MYO1D: variants seen among roughly 807,000 people sequenced by gnomAD.
MYO1D encodes the protein myosin ID.
Under a neutral mutation model 122.0 loss-of-function variants are expected in MYO1D, and 83 were observed. That is an observed-to-expected ratio of 0.68 (90% CI 0.57 to 0.82). The LOEUF (loss-of-function observed/expected upper bound fraction) is 0.82. Among genes scored for constraint, MYO1D ranks in the 40% least tolerant of loss-of-function variants. The probability of loss-of-function intolerance (pLI) is 0.00; values close to 1 mark genes in which losing one functional copy is unlikely to be tolerated. For synonymous variants in MYO1D, 464 were observed against 446.9 expected (o/e 1.04, Z -0.48); for missense variants, 1,157 against 1,269.5 (o/e 0.91, Z 1.35).
At chr17:32,544,462 G>T (rs1054304658) in intron 21 of MYO1D, among the ~76,000 whole-genome samples, 1 of 152,062 alleles carries the variant, frequency 6.6e-6, no homozygotes, top group Non-Finnish European at 1.5e-5. Context: ...TGTCCAAATT[G>T]TACACATGAT....
intron 1 of MYO1D, among the ~76,000 whole-genome samples, chr17:32,841,853 G>T (rs1485205982): frequency 1.3e-5 from 2 of 152,048 alleles, no homozygotes; most frequent in Non-Finnish European, 2.9e-5. Flanking sequence ...AGGTCTGCAG[G>T]GTATTTCTCT....
chr17:32,498,218 C>G (rs894470531), intron 21 of MYO1D: 3 of 152,276 alleles, frequency 2.0e-5, no homozygotes, highest in African/African-American at 7.2e-5. Flanking sequence ...ATTCCCACTT[C>G]CCCAGAACAT....
intron 1 of MYO1D, among the ~76,000 whole-genome samples, chr17:32,849,379 A>C (rs112389511): frequency 6.9e-6 from 1 of 144,156 alleles, no homozygotes; most frequent in African/African-American, 2.9e-5. Flanking sequence ...TGTTTATTGC[A>C]GCATTATTCA....
At chr17:32,758,819 G>A (rs2089972990) in intron 10 of MYO1D, among the ~76,000 whole-genome samples, 2 of 152,102 alleles carry the variant, frequency 1.3e-5, no homozygotes, top group South Asian at 4.1e-4. Flanking sequence ...TGTTACCTTG[G>A]AGTTAGCCTT....
intron 21 of MYO1D, among the ~76,000 whole-genome samples, chr17:32,587,053 T>C (rs2087392817): frequency 1.3e-5 from 2 of 152,238 alleles, no homozygotes; most frequent in Non-Finnish European, 2.9e-5. Context: ...ATGTCTTTCC[T>C]ACCCTTGTAA....
At chr17:32,691,551 C>T (rs1333438393) in intron 16 of MYO1D, among the ~76,000 whole-genome samples, 2 of 151,776 alleles carry the variant, frequency 1.3e-5, no homozygotes, top group Non-Finnish European at 2.9e-5. Context: ...GGATTACAGG[C>T]GCCTGCCCCT....
In MYO1D at chr17:32,634,770, A is replaced by G. The variant is rs181299729; in HGVS notation, c.2709+3952T>C. ...CTGGGATGCTGGCAATTGGAGTGGG[A>G]GTAGCTGGGAAGAATCCAAGGACCT... On this transcript the variant is annotated intron_variant, in intron 20 of 21. Coordinates refer to ENST00000318217, the MANE Select transcript of MYO1D (RefSeq NM_015194.3). 2.9e-4 allele frequency among the ~76,000 whole-genome samples: 44 copies of G among 152,274 alleles called. 1 individual carries two copies. Among genetic ancestry groups the G allele is most frequent in the African/African-American group, 1.0e-3 (43 of 41,544 alleles).
At chr17:32,781,796 T>C (rs1039826353) in intron 1 of MYO1D, among the ~76,000 whole-genome samples, 5 of 152,054 alleles carry the variant, frequency 3.3e-5, no homozygotes, top group African/African-American at 4.8e-5. Context: ...TGTGCAACTT[T>C]ATGTGTCTAT....
intron 15 of MYO1D, among the ~76,000 whole-genome samples, chr17:32,713,404 C>CG (rs2089403879): frequency 6.6e-6 from 1 of 152,202 alleles, no homozygotes; most frequent in Non-Finnish European, 1.5e-5. Flanking sequence ...ATCTGTGCAT[C>CG]ACTACCACAT....
chr17:32,589,294 T>C (rs757307393), intron 21 of MYO1D, among the ~76,000 whole-genome samples: 2 of 152,212 alleles, frequency 1.3e-5, no homozygotes, highest in Non-Finnish European at 2.9e-5. Context: ...TCTCTCTTAC[T>C]GAACCCAACT....
At chr17:32,495,353 G>A (rs1287470297) in intron 21 of MYO1D, among the ~76,000 whole-genome samples, 1 of 152,242 alleles carries the variant, frequency 6.6e-6, no homozygotes, top group South Asian at 2.1e-4. Flanking sequence ...GTCCCTGCCT[G>A]TCACACCCCG....
intron 1 of MYO1D, chr17:32,794,349 G>A (rs1185517433): frequency 1.3e-5 from 2 of 152,054 alleles, no homozygotes; most frequent in African/African-American, 4.8e-5. Flanking sequence ...ATGCCTAGAT[G>A]AATTATCTTA....
chr17:32,604,424 A>T (rs139127323), intron 21 of MYO1D, among the ~76,000 whole-genome samples: 1 of 152,220 alleles, frequency 6.6e-6, no homozygotes, highest in Non-Finnish European at 1.5e-5. Context: ...TTATGGGAAG[A>T]GAAATCCAAT....
At chr17:32,720,469 G>A (rs1471527949) in intron 15 of MYO1D, among the ~76,000 whole-genome samples, 1 of 152,096 alleles carries the variant, frequency 6.6e-6, no homozygotes, top group Non-Finnish European at 1.5e-5. Flanking sequence ...ACTGAAAAAT[G>A]ACAGAGCCAG....
chr17:32,849,493 G>T (rs376959675), intron 1 of MYO1D, among the ~76,000 whole-genome samples: 26 of 150,906 alleles, frequency 1.7e-4, no homozygotes, highest in African/African-American at 6.2e-4. Flanking sequence ...CCATAAAAAA[G>T]GATGAGTTCA....
intron 1 of MYO1D, among the ~76,000 whole-genome samples, chr17:32,782,000 G>T (rs2090244034): frequency 6.6e-6 from 1 of 152,208 alleles, no homozygotes; most frequent in South Asian, 2.1e-4. Context: ...TGAACAAAGG[G>T]TGTGCCCTGA....
chr17:32,849,454 G>A (rs1308582936), intron 1 of MYO1D, among the ~76,000 whole-genome samples: 4 of 149,636 alleles, frequency 2.7e-5, no homozygotes, highest in African/African-American at 1.0e-4. Flanking sequence ...AGAAAATGTG[G>A]CACATATACA....
At chr17:32,749,613 C>T (rs1042396213) in intron 11 of MYO1D, among the ~76,000 whole-genome samples, 1 of 152,108 alleles carries the variant, frequency 6.6e-6, no homozygotes, top group Non-Finnish European at 1.5e-5. Context: ...TGTAGTCCCA[C>T]CTAGTCGGGA....
rs575437417 is a variant in MYO1D at position 32,873,842 on chromosome 17, G to A, written c.95+2936C>T. On this transcript the variant is annotated intron_variant, in intron 1 of 21. Coordinates refer to ENST00000318217, the MANE Select transcript of MYO1D (RefSeq NM_015194.3). The stretch of plus-strand genomic sequence containing the variant: ...AAATACATATACATCTGTACACCCA[G>A]GATTTTGAATGATGTGGAGATTGGG... Among the ~76,000 whole-genome samples, 7 of 152,304 alleles carry A rather than the reference G, an allele frequency of 4.6e-5. No homozygotes were observed. In the South Asian group the frequency reaches 1.2e-3, roughly 27 times the overall value.
Sources: allele counts gnomAD v4.1 joint callset (sites outside exome capture counted in the v4.1 genomes callset), GRCh38; gene constraint gnomAD v4.1.1; transcripts MANE v1.5; gene names NCBI Gene and HGNC (gene_info 2026-07-23, HGNC 2026-07-21).